Variants in DENND5A observed in about 807,000 individuals in gnomAD.
DENND5A encodes the protein DENN domain-containing protein 5A.
Under a neutral mutation model 140.3 loss-of-function variants are expected in DENND5A, and 64 were observed. The observed-to-expected ratio is 0.46, with a 90% confidence interval of 0.37 to 0.56. DENND5A has a LOEUF of 0.56. Ranked by LOEUF, DENND5A falls within the 20% of genes least tolerant of loss-of-function variation. The probability of loss-of-function intolerance (pLI) is 0.00; values close to 1 mark genes in which losing one functional copy is unlikely to be tolerated. For synonymous variants in DENND5A, 605 were observed against 607.7 expected, an observed-to-expected ratio of 1.00 and a Z score of 0.07; for missense variants, 1,292 against 1,593.8, an observed-to-expected ratio of 0.81 and a Z score of 3.22.
intron 3 of DENND5A, among the ~76,000 whole-genome samples, chr11:9,205,614 C>T (rs1233403946): frequency 6.6e-6 from 1 of 152,128 alleles, no homozygotes; most frequent in African/African-American, 2.4e-5. Context: ...AATAGAAGGC[C>T]AGGTGCAGTG....
intron 1 of DENND5A, among the ~76,000 whole-genome samples, chr11:9,229,080 T>TA (rs998567913): frequency 2.0e-5 from 3 of 152,170 alleles, no homozygotes; most frequent in South Asian, 2.1e-4. Flanking sequence ...ACTAAGCACT[T>TA]AACCTGTGGA....
chr11:9,144,943 C>G, intron 18 of DENND5A, 52 bp downstream of exon 18: 1 of 1,295,348 alleles, frequency 7.7e-7, no homozygotes, highest in Non-Finnish European at 1.1e-6. Flanking sequence ...CATCGAAGAG[C>G]TCCTGTAGAT....
In DENND5A at chr11:9,207,316, G is replaced by A. The variant is rs1213731767; in HGVS notation, c.181+245C>T. On this transcript the variant is annotated intron_variant, in intron 2 of 22. Transcript: ENST00000328194. ...AATTCAGAATTACTTGAAATTTCTGGAATTGTCCTTTGTTTTCCCATTCCC... is the reference window on the plus strand; with the variant it reads ...AATTCAGAATTACTTGAAATTTCTGAAATTGTCCTTTGTTTTCCCATTCCC... The A allele has an allele frequency of 5.9e-6, 3 of 511,238 alleles. No homozygotes were observed. The East Asian group carries it at 1.0e-4, about 18-fold the overall frequency. The allele number at this position is 511,238 out of a possible 1,614,324, so 31.7% of individuals were successfully genotyped here. A position where few individuals can be genotyped will look rare whatever the true frequency, so the allele number is the denominator to read the frequency against.
chr11:9,172,935 C>T (rs1047521482), intron 8 of DENND5A, among the ~76,000 whole-genome samples: 10 of 151,966 alleles, frequency 6.6e-5, no homozygotes, highest in Non-Finnish European at 1.3e-4. Flanking sequence ...TGTGCCTCAG[C>T]CTCCTGAGTA....
chr11:9,235,060 G>C (rs961501239), intron 1 of DENND5A, among the ~76,000 whole-genome samples: 1 of 152,186 alleles, frequency 6.6e-6, no homozygotes, highest in Non-Finnish European at 1.5e-5. Flanking sequence ...ATGCACTGCT[G>C]TGAAGACATT....
At chr11:9,173,030 T>A (rs1368949610) in intron 8 of DENND5A, among the ~76,000 whole-genome samples, 2 of 151,894 alleles carry the variant, frequency 1.3e-5, no homozygotes, top group Non-Finnish European at 2.9e-5. Flanking sequence ...TTCACCATGT[T>A]GGCCAGGCTG....
intron 1 of DENND5A, among the ~76,000 whole-genome samples, chr11:9,261,802 C>T (rs1852213332): frequency 7.9e-6 from 1 of 126,684 alleles, no homozygotes. Flanking sequence ...AAAAAGATTC[C>T]CTCTGGATAG....
At chr11:9,158,623 A>G (rs1279326341) in intron 12 of DENND5A, among the ~76,000 whole-genome samples, 1 of 152,170 alleles carries the variant, frequency 6.6e-6, no homozygotes, top group Non-Finnish European at 1.5e-5. Context: ...GGCTTAGAGA[A>G]GCTAGGTAAC....
intron 1 of DENND5A, among the ~76,000 whole-genome samples, chr11:9,216,131 C>G (rs918375692): frequency 1.6e-4 from 24 of 152,220 alleles, no homozygotes; most frequent in African/African-American, 5.8e-4. Flanking sequence ...GATTAAGGAC[C>G]TAACTTGGCT....
chr11:9,251,356 A>C (rs142612472), intron 1 of DENND5A, among the ~76,000 whole-genome samples: 106 of 152,246 alleles, frequency 7.0e-4, no homozygotes, highest in Non-Finnish European at 1.2e-3. Flanking sequence ...ATAATGAACA[A>C]TAAAAAATAA....
chr11:9,147,192 G>A, intron 15 of DENND5A, 41 bp from the exon 16 acceptor site: 3 of 1,603,534 alleles, frequency 1.9e-6, no homozygotes, highest in Non-Finnish European at 2.6e-6. Context: ...CGACCAAAAG[G>A]AAGGGAAAGA....
intron 1 of DENND5A, among the ~76,000 whole-genome samples, chr11:9,221,903 G>A (rs1474541264): frequency 6.6e-6 from 1 of 151,976 alleles, no homozygotes; most frequent in East Asian, 1.9e-4. Context: ...AACTACAGGT[G>A]CATGCCACCA....
At chr11:9,183,980 G>C (rs1255676433) in intron 5 of DENND5A, among the ~76,000 whole-genome samples, 1 of 151,684 alleles carries the variant, frequency 6.6e-6, no homozygotes. Flanking sequence ...GAACCTGGGA[G>C]GCAGAGGTTG....
rs59486375 is a variant in DENND5A at position 9,227,314 on chromosome 11, G to T, written c.110-19682C>A. ...CCGTTTTGCTACATTATTACATTAC[G>T]ATCACTCAAACAACTAATCCATCAC... On this transcript the variant is annotated intron_variant, in intron 1 of 22. Transcript: ENST00000328194. 4.0e-3 allele frequency among the ~76,000 whole-genome samples: 611 copies of T among 152,092 alleles called. 6 individuals are homozygous for T. Among genetic ancestry groups the T allele is most frequent in the African/African-American group, 0.014 (589 of 41,478 alleles).
Position 9,253,177 on chromosome 11 carries a change from G to A in DENND5A, c.109+11784C>T, listed in dbSNP as rs567273115. Among the ~76,000 whole-genome samples the A allele has an allele frequency of 9.9e-4, 151 of 152,144 alleles. 1 individual carries two copies. The highest frequency in any genetic ancestry group is 3.4e-3 in the African/African-American group (143 of 41,516). ...CACAACAGGAATTTACAAGCTGAGC[G>A]AAGCCCAAGTACACCTTCCAACAAA... On this transcript the variant is annotated intron_variant, in intron 1 of 22. Transcript: ENST00000328194.
chr11:9,215,881 T>A (rs1850074364), intron 1 of DENND5A, among the ~76,000 whole-genome samples: 1 of 152,108 alleles, frequency 6.6e-6, no homozygotes, highest in African/African-American at 2.4e-5. Context: ...GTTAGTTAGA[T>A]GTATACGCAC....
intron 6 of DENND5A, among the ~76,000 whole-genome samples, chr11:9,179,552 T>C (rs56294473): frequency 0.28 from 41,535 of 148,730 alleles, 5,945 homozygotes; most frequent in African/African-American, 0.3. Context: ...CAGGCTGGAG[T>C]GCAATGGCGC....
In DENND5A at chr11:9,261,810, T is replaced by C. The variant is rs555535847; in HGVS notation, c.109+3151A>G. Among the ~76,000 whole-genome samples the C allele has an allele frequency of 8.3e-5, 12 of 143,784 alleles. No individual in the cohort carries two copies. The South Asian group carries it at 2.7e-3, about 32-fold the overall frequency. 94.3% of individuals were successfully genotyped at this position (143,784 alleles called of 152,430 possible). ...AAAAAAAAAAAAGATTCCCTCTGGA[T>C]AGTTCAGATTCCCCTACCAACCCAC... On this transcript the variant is annotated intron_variant, in intron 1 of 22. Coordinates refer to ENST00000328194, the MANE Select transcript of DENND5A (RefSeq NM_015213.4).
In DENND5A at chr11:9,142,801, G is replaced by C. The variant is rs1318403460; in HGVS notation, c.3432C>G (p.Val1144=). The C allele has an allele frequency of 1.2e-6, 2 of 1,614,184 alleles. No homozygotes were observed. The highest frequency in any genetic ancestry group is 1.7e-6 in the Non-Finnish European group (2 of 1,180,024). ...TLLLCGECGL[V]SALEQAFQHG... is the part of the protein sequence containing the mutation. ...GCTGGAAAGCCTGTTCCAAGGCCGA[G>C]ACAAGGCCACACTCTCCACAGAGCA... is the stretch of plus-strand genomic sequence containing the variant. The change falls in exon 21 of 23, where the codon GTC becomes GTG. Residue 1144 remains valine, a synonymous_variant. Transcript: ENST00000328194.
Sources: gnomAD v4.1 joint callset for allele counts (sites outside exome capture counted in the v4.1 genomes callset) on GRCh38, gnomAD v4.1.1 for gene constraint, MANE v1.5 for transcripts, NCBI Gene and HGNC (gene_info 2026-07-23, HGNC 2026-07-21) for gene names.